Variants in MGAT4C observed in about 807,000 individuals in gnomAD.
MGAT4C encodes MGAT4 family member C.
A neutral mutation model predicts 40.1 loss-of-function variants in MGAT4C; 19 were observed. That is an observed-to-expected ratio of 0.47 (90% CI 0.33 to 0.70). The LOEUF is 0.70. Among genes scored for constraint, MGAT4C ranks in the 30% least tolerant of loss-of-function variants. The pLI, the probability that MGAT4C is intolerant of heterozygous loss-of-function variation, is 0.02. For missense variants in MGAT4C, 491 were observed against 563.2 expected (o/e 0.87, Z 1.30); for synonymous variants, 181 against 187.1 (o/e 0.97, Z 0.27).
At chr12:86,595,574 G>A (rs1192039863) in intron 2 of MGAT4C, among the ~76,000 whole-genome samples, 2 of 150,960 alleles carry the variant, frequency 1.3e-5, no homozygotes, top group African/African-American at 4.9e-5. Context: ...CCATTCTAAA[G>A]TATATATCAT....
chr12:86,602,473 A>C (rs899800209), intron 2 of MGAT4C, among the ~76,000 whole-genome samples: 5 of 152,222 alleles, frequency 3.3e-5, no homozygotes, highest in African/African-American at 1.2e-4. Context: ...TCATCCTTCC[A>C]AAATTTCCTT....
In MGAT4C at chr12:86,564,670, A is replaced by G. The variant is rs865922079; in HGVS notation, c.-228-129405T>C. On this transcript the variant is annotated intron_variant, in intron 2 of 7. Transcript: ENST00000548651. ...TGAGATATTCCTTCTAAGGTGAAAG[A>G]TAAGTTGCTGTATTTGCCCCTCGTA... is the stretch of plus-strand genomic sequence containing the variant. 2.0e-5 allele frequency among the ~76,000 whole-genome samples: 3 copies of G among 152,324 alleles called. No homozygotes were observed. The South Asian group carries it at 6.2e-4, about 32-fold the overall frequency.
At chr12:86,578,752 T>A (rs910030374) in intron 2 of MGAT4C, among the ~76,000 whole-genome samples, 34 of 151,760 alleles carry the variant, frequency 2.2e-4, no homozygotes, top group South Asian at 4.1e-4. Flanking sequence ...CTTCCCTTGT[T>A]TTTTCTTAAT....
chr12:86,472,639 A>T (rs1210779648), intron 2 of MGAT4C, among the ~76,000 whole-genome samples: 2 of 152,048 alleles, frequency 1.3e-5, no homozygotes, highest in Non-Finnish European at 2.9e-5. Flanking sequence ...CAAGTGTTCT[A>T]TCTTAGTAAT....
intron 2 of MGAT4C, among the ~76,000 whole-genome samples, chr12:86,531,996 A>T (rs1958994252): frequency 6.6e-6 from 1 of 151,990 alleles, no homozygotes; most frequent in South Asian, 2.1e-4. Flanking sequence ...GCAAATTTAC[A>T]CTAATTTTCT....
At chr12:86,376,514 C>T (rs983026922) in intron 3 of MGAT4C, among the ~76,000 whole-genome samples, 3 of 151,846 alleles carry the variant, frequency 2.0e-5, no homozygotes, top group African/African-American at 7.3e-5. Flanking sequence ...GTGCCTAGAA[C>T]AATATATTAG....
intron 1 of MGAT4C, among the ~76,000 whole-genome samples, chr12:86,219,123 T>G (rs1950782058): frequency 6.6e-6 from 1 of 152,024 alleles, no homozygotes; most frequent in South Asian, 2.1e-4. Flanking sequence ...GAGGTTGCAG[T>G]GAGCCGAGAT....
intron 2 of MGAT4C, among the ~76,000 whole-genome samples, chr12:86,678,078 T>C (rs547216968): frequency 6.6e-6 from 1 of 152,260 alleles, no homozygotes; most frequent in African/African-American, 2.4e-5. Context: ...TTTCCAGATT[T>C]GCTGATACAA....
chr12:86,584,387 G>A (rs1213513553), intron 2 of MGAT4C, among the ~76,000 whole-genome samples: 1 of 150,656 alleles, frequency 6.6e-6, no homozygotes, highest in Non-Finnish European at 1.5e-5. Flanking sequence ...CAGTCTCTAA[G>A]GAATTCTTCC....
chr12:86,614,706 C>CA (rs1384338827), intron 2 of MGAT4C, among the ~76,000 whole-genome samples: 1 of 151,440 alleles, frequency 6.6e-6, no homozygotes, highest in African/African-American at 2.4e-5. Flanking sequence ...ACAAAATTTC[C>CA]ACTGTAAAGA....
At chr12:86,520,628 T>C (rs1382260555) in intron 2 of MGAT4C, among the ~76,000 whole-genome samples, 1 of 152,152 alleles carries the variant, frequency 6.6e-6, no homozygotes, top group East Asian at 1.9e-4. Flanking sequence ...AGTTCTGTTT[T>C]TAGGTCTTTG....
In MGAT4C at chr12:85,966,913, G is replaced by A. The variant is rs1351321072; in HGVS notation, c.*12376C>T. On this transcript the variant is annotated 3_prime_UTR_variant, in exon 5 of 5. Coordinates refer to ENST00000611864, the MANE Select transcript of MGAT4C (RefSeq NM_001351288.2). Reference sequence around the variant, plus strand: ...CCTGTTGTGGGGTCAGGGGAGGGGGGAGGGATAGCATTAGGAGATATACCT... The same window carrying A: ...CCTGTTGTGGGGTCAGGGGAGGGGGAAGGGATAGCATTAGGAGATATACCT... 7.1e-6 allele frequency: 1 copy of A among 140,492 alleles called. No homozygotes were observed. Among genetic ancestry groups the A allele is most frequent in the Non-Finnish European group, 1.6e-5 (1 of 64,486 alleles). The allele number at this position is 140,492 out of a possible 1,614,324, so 8.7% of individuals were successfully genotyped here. A position where few individuals can be genotyped will look rare whatever the true frequency, so the allele number is the denominator to read the frequency against.
At chr12:86,153,384 C>A (rs546947397) in intron 1 of MGAT4C, among the ~76,000 whole-genome samples, 1 of 152,036 alleles carries the variant, frequency 6.6e-6, no homozygotes, top group African/African-American at 2.4e-5. Flanking sequence ...CCTAAAAACC[C>A]CAAAATAGAC....
chr12:86,352,887 G>T (rs1955200984), intron 3 of MGAT4C, among the ~76,000 whole-genome samples: 1 of 151,652 alleles, frequency 6.6e-6, no homozygotes, highest in East Asian at 1.9e-4. Context: ...GAAGGGGGGA[G>T]GGGTAGCATT....
chr12:86,010,987 A>G (rs180898895), intron 2 of MGAT4C, among the ~76,000 whole-genome samples: 58 of 152,316 alleles, frequency 3.8e-4, no homozygotes, highest in African/African-American at 1.4e-3. Context: ...GAAGCCACCC[A>G]GATGCTGCTA....
chr12:86,060,260 G>T (rs932990359), intron 1 of MGAT4C, among the ~76,000 whole-genome samples: 7 of 152,084 alleles, frequency 4.6e-5, no homozygotes, highest in Non-Finnish European at 1.0e-4. Flanking sequence ...TTCAATTATA[G>T]AATTTTCTGA....
intron 2 of MGAT4C, among the ~76,000 whole-genome samples, chr12:86,584,080 A>C (rs1191973781): frequency 6.6e-6 from 1 of 151,020 alleles, no homozygotes; most frequent in Admixed American, 6.6e-5. Context: ...CAAATATTTT[A>C]TAAAATTTTT....
rs1213696177 is a variant in MGAT4C at position 86,773,942 on chromosome 12, CTTCTT to C, written c.-261-46706_-261-46702del. ...ACAGGTTCACATTTTTTTAAAGTAA[CTTCTT>C]TTTTTTTTTTTTTTTTTTTTTTTTG... On this transcript the variant is annotated intron_variant, in intron 1 of 7. Transcript: ENST00000548651. Among the ~76,000 whole-genome samples the C allele has an allele frequency of 1.0e-3, 111 of 106,516 alleles. 8 individuals are homozygous for C. The highest frequency in any genetic ancestry group is 4.0e-3 in the South Asian group (13 of 3,280). 69.9% of individuals were successfully genotyped at this position (106,516 alleles called of 152,430 possible).
chr12:86,442,164 A>T (rs1454426500), intron 2 of MGAT4C, among the ~76,000 whole-genome samples: 1 of 152,098 alleles, frequency 6.6e-6, no homozygotes, highest in Non-Finnish European at 1.5e-5. Context: ...GTCTGTTCAT[A>T]TCCTTTGCCC....
Sources: allele counts gnomAD v4.1 joint callset (sites outside exome capture counted in the v4.1 genomes callset), GRCh38; gene constraint gnomAD v4.1.1; transcripts MANE v1.5; gene names NCBI Gene and HGNC (gene_info 2026-07-23, HGNC 2026-07-21).